The following SLC38A1 variants were observed in gnomAD, a reference collection of about 807,000 sequenced individuals.
The protein encoded by SLC38A1 is sodium-coupled neutral amino acid symporter 1.
SLC38A1 carries 18 observed loss-of-function variants against 60.3 expected under a neutral mutation model. That is an observed-to-expected ratio of 0.30 (90% CI 0.21 to 0.44). SLC38A1 has a LOEUF of 0.44. Among genes scored for constraint, SLC38A1 ranks in the 20% least tolerant of loss-of-function variants. The pLI, the probability that SLC38A1 is intolerant of heterozygous loss-of-function variation, is 1.00. For missense variants in SLC38A1, 448 were observed against 587.2 expected (o/e 0.76, Z 2.45); for synonymous variants, 196 against 212.1 (o/e 0.92, Z 0.66).
At chr12:46,260,090 T>G (rs1269789836) in intron 1 of SLC38A1, among the ~76,000 whole-genome samples, 1 of 152,238 alleles carries the variant, frequency 6.6e-6, no homozygotes, top group Non-Finnish European at 1.5e-5. Flanking sequence ...TTGGTCCATG[T>G]GCAGCACTTA....
In SLC38A1 at chr12:46,183,588, C is replaced by T. The variant is rs1341491290; in HGVS notation, c.*5382G>A. On this transcript the variant is annotated 3_prime_UTR_variant, in exon 17 of 17. Coordinates refer to ENST00000398637, the MANE Select transcript of SLC38A1 (RefSeq NM_030674.4). ...GTGAAAAAAACATTCTTCTCCCCAG[C>T]TTCTGTTTTCATATGTACTGTGTAG... The T allele has an allele frequency of 1.3e-5, 2 of 152,292 alleles. No individual in the cohort carries two copies. Among genetic ancestry groups the T allele is most frequent in the East Asian group, 3.9e-4 (2 of 5,192 alleles). 9.4% of individuals were successfully genotyped at this position (152,292 alleles called of 1,614,324 possible).
At chr12:46,194,867 A>G in intron 16 of SLC38A1, among the ~76,000 whole-genome samples, 1 of 151,484 alleles carries the variant, frequency 6.6e-6, no homozygotes, top group East Asian at 1.9e-4. Flanking sequence ...CCTCTTTGCG[A>G]TGGGTTAGAA....
chr12:46,241,904 G>GGA (rs1180486589), intron 2 of SLC38A1, among the ~76,000 whole-genome samples: 1 of 152,148 alleles, frequency 6.6e-6, no homozygotes, highest in Non-Finnish European at 1.5e-5. Flanking sequence ...TCTGGGTTAA[G>GGA]GAGACTTTTC....
In SLC38A1 at chr12:46,239,809, AG is replaced by A. The variant is rs756576174; in HGVS notation, c.-10del. 33 of 1,611,954 alleles carry A rather than the reference AG, an allele frequency of 2.0e-5. No homozygotes were observed. The highest frequency in any genetic ancestry group is 2.1e-4 in the Middle Eastern group (1 of 4,860). ...CTTTTGAAATGCATCATGATTAGAA[AG>A]TGTCTGTAGTTTGAAAATTAGTCCA... On this transcript the variant is annotated 5_prime_UTR_variant, in exon 3 of 17. Transcript: ENST00000398637.
At position 46,186,592 on chromosome 12, in the gene SLC38A1, T is replaced by C. The variant is rs537084911; in HGVS notation, c.*2378A>G. On this transcript the variant is annotated 3_prime_UTR_variant, in exon 17 of 17. Transcript: ENST00000398637. ...CTAATCAGTGATATTTGACGAATTA[T>C]GGTAGGGTCTATTATATTCAGTCAA... is the stretch of plus-strand genomic sequence containing the variant. 6.6e-6 allele frequency: 1 copy of C among 152,352 alleles called. No individual in the cohort carries two copies. Among genetic ancestry groups the C allele is most frequent in the Non-Finnish European group, 1.5e-5 (1 of 68,042 alleles). The allele number at this position is 152,352 out of a possible 1,614,324, so 9.4% of individuals were successfully genotyped here. A position where few individuals can be genotyped will look rare whatever the true frequency, so the allele number is the denominator to read the frequency against.
chr12:46,195,390 TG>T (rs1159315035), intron 16 of SLC38A1, among the ~76,000 whole-genome samples: 2 of 152,246 alleles, frequency 1.3e-5, no homozygotes, highest in Non-Finnish European at 2.9e-5. Flanking sequence ...TCCAGCTACA[TG>T]GGGGTCAGGG....
rs140208752 is a variant in SLC38A1 at position 46,186,025 on chromosome 12, A to G, written c.*2945T>C. On this transcript the variant is annotated 3_prime_UTR_variant, in exon 17 of 17. Coordinates refer to ENST00000398637, the MANE Select transcript of SLC38A1 (RefSeq NM_030674.4). ...TTAGATTCTTTAGCAAACCTATTAC[A>G]TTATTCGATGTCAGCTAACCTATTG... 1 of 152,164 alleles carries G rather than the reference A, an allele frequency of 6.6e-6. No individual in the cohort carries two copies. The highest frequency in any genetic ancestry group is 1.9e-4 in the East Asian group (1 of 5,196). 9.4% of individuals were successfully genotyped at this position (152,164 alleles called of 1,614,324 possible).
At chr12:46,227,894 C>T (rs138360236) in intron 5 of SLC38A1, among the ~76,000 whole-genome samples, 2 of 152,212 alleles carry the variant, frequency 1.3e-5, no homozygotes, top group Non-Finnish European at 2.9e-5. Context: ...CATGTAAATG[C>T]ACTGAAAACC....
chr12:46,236,030 G>A (rs1941246697), intron 3 of SLC38A1, among the ~76,000 whole-genome samples: 1 of 152,180 alleles, frequency 6.6e-6, no homozygotes, highest in African/African-American at 2.4e-5. Flanking sequence ...GCCAAAGAAA[G>A]GGGACTGCAT....
chr12:46,218,469 G>A (rs1940511907), intron 5 of SLC38A1, among the ~76,000 whole-genome samples: 1 of 152,064 alleles, frequency 6.6e-6, no homozygotes, highest in East Asian at 1.9e-4. Context: ...TGTTTTTGTG[G>A]TAACAAGACA....
At chr12:46,233,541 A>T (rs1941152637) in intron 3 of SLC38A1, among the ~76,000 whole-genome samples, 1 of 152,348 alleles carries the variant, frequency 6.6e-6, no homozygotes, top group South Asian at 2.1e-4. Context: ...CTGGGTTGGT[A>T]GCAAAGCATA....
At chr12:46,207,313 C>A (rs923499275) in intron 7 of SLC38A1, 77 bp from the exon 8 acceptor site, 1 of 1,290,042 alleles carries the variant, frequency 7.8e-7, no homozygotes, top group South Asian at 1.3e-5. Flanking sequence ...GTTATCAGCC[C>A]GTTCTTAGAC....
At chr12:46,251,496 G>A (rs1033367420) in intron 1 of SLC38A1, among the ~76,000 whole-genome samples, 1 of 152,108 alleles carries the variant, frequency 6.6e-6, no homozygotes. Flanking sequence ...TTGACAAATG[G>A]GATCTAATTA....
intron 11 of SLC38A1, 108 bp from the exon 12 acceptor site, chr12:46,203,197 C>A: frequency 2.2e-6 from 2 of 893,386 alleles, no homozygotes; most frequent in East Asian, 2.6e-5. Flanking sequence ...TTCAGAATCC[C>A]TGGATTATTC....
At chr12:46,190,125 C>A (rs1418321971) in intron 16 of SLC38A1, among the ~76,000 whole-genome samples, 1 of 152,118 alleles carries the variant, frequency 6.6e-6, no homozygotes, top group Non-Finnish European at 1.5e-5. Context: ...GTGTGATATT[C>A]TCTGTCCTGT....
At chr12:46,246,405 T>G (rs2138496371) in intron 1 of SLC38A1, among the ~76,000 whole-genome samples, 1 of 152,350 alleles carries the variant, frequency 6.6e-6, no homozygotes, top group East Asian at 1.9e-4. Flanking sequence ...TGCTCGCTGC[T>G]AGTGCAGCAG....
At chr12:46,204,239 T>G in intron 11 of SLC38A1, 62 bp downstream of exon 11, 8 of 1,020,380 alleles carry the variant, frequency 7.8e-6, no homozygotes, top group African/African-American at 1.6e-5. Flanking sequence ...ATTACAAGCA[T>G]GAGAAATAGA....
intron 6 of SLC38A1, 130 bp from the exon 7 acceptor site, chr12:46,207,751 C>T (rs770414327): frequency 1.1e-4 from 91 of 847,208 alleles, no homozygotes; most frequent in Admixed American, 3.7e-4. Context: ...CACAAATAGT[C>T]ATTTTGGCCT....
chr12:46,197,184 G>C (rs760231490), intron 16 of SLC38A1, among the ~76,000 whole-genome samples: 6 of 152,046 alleles, frequency 3.9e-5, no homozygotes, highest in African/African-American at 7.3e-5. Context: ...CAAAAGCTGA[G>C]GCACAATAAC....
Sources: gnomAD v4.1 joint callset for allele counts (sites outside exome capture counted in the v4.1 genomes callset) on GRCh38, gnomAD v4.1.1 for gene constraint, MANE v1.5 for transcripts, NCBI Gene and HGNC (gene_info 2026-07-23, HGNC 2026-07-21) for gene names.